The following FRYL variants were observed in gnomAD, a reference collection of about 807,000 sequenced individuals.
The protein encoded by FRYL is FRY like transcription coactivator.
FRYL carries 150 observed loss-of-function variants against 351.2 expected under a neutral mutation model. The observed-to-expected ratio is 0.43, with a 90% CI of 0.37 to 0.49. The LOEUF (loss-of-function observed/expected upper bound fraction) is 0.49. Ranked by LOEUF, FRYL falls within the 20% of genes least tolerant of loss-of-function variation. FRYL has a pLI of 0.00. For missense variants in FRYL, 3,036 were observed against 3,619.3 expected (o/e 0.84, Z 4.13); for synonymous variants, 1,153 against 1,257.1 (o/e 0.92, Z 1.75).
intron 48 of FRYL, among the ~76,000 whole-genome samples, chr4:48,535,214 T>G (rs1213126784): frequency 1.3e-5 from 2 of 152,146 alleles, no homozygotes; most frequent in Non-Finnish European, 2.9e-5. Context: ...ATTATTATTC[T>G]AGAAAAGATT....
In FRYL at chr4:48,620,513, T is replaced by C. The variant is rs537360451; in HGVS notation, c.314+126A>G. On this transcript the variant is annotated intron_variant, in intron 6 of 63. Transcript: ENST00000358350. ...CTATCCTTCTCCCTTACTACCATCT[T>C]TGTAACAAAAGTAATCAACGCAGTT... is the stretch of plus-strand genomic sequence containing the variant. 8.3e-4 allele frequency: 786 copies of C among 945,144 alleles called. 6 individuals carry two copies. The African/African-American group carries it at 0.01, about 12-fold the overall frequency. 58.5% of individuals were successfully genotyped at this position (945,144 alleles called of 1,614,324 possible).
rs968457368 is a variant in FRYL at position 48,575,134 on chromosome 4, G to C, written c.2829C>G (p.Thr943=). 2 of 1,613,482 alleles carry C rather than the reference G, an allele frequency of 1.2e-6. No homozygotes were observed. Among genetic ancestry groups the C allele is most frequent in the Non-Finnish European group, 1.7e-6 (2 of 1,179,466 alleles). Reference sequence around the variant, plus strand: ...ATAGTTACCTAAAAGCTCCTGGGTTGGTCCTGCCAAGACCTAGAACAAGGG... The same window carrying C: ...ATAGTTACCTAAAAGCTCCTGGGTTCGTCCTGCCAAGACCTAGAACAAGGG... ...TESLVLGLGR[T]NPGAFRELIE... is the part of the protein sequence containing the mutation. Residue 943 remains threonine, a synonymous_variant, in exon 25 of 64, where the codon ACC becomes ACG. Coordinates refer to ENST00000358350, the MANE Select transcript of FRYL (RefSeq NM_015030.2).
rs888017807 is a variant in FRYL at position 48,592,082 on chromosome 4, T to TATATATATA, written c.1336-1253_1336-1252insTATATATAT. 1.1e-3 allele frequency among the ~76,000 whole-genome samples: 132 copies of TATATATATA among 116,192 alleles called. 5 individuals carry two copies. The highest frequency in any genetic ancestry group is 5.8e-3 in the African/African-American group (128 of 22,232). The allele number at this position is 116,192 out of a possible 152,430, so 76.2% of individuals were successfully genotyped here. On this transcript the variant is annotated intron_variant, in intron 16 of 63. Coordinates refer to ENST00000358350, the MANE Select transcript of FRYL (RefSeq NM_015030.2). ...GGAATACGGGAAGAAAATAAAGCTCTTATATATATATATATATATATATAT... is the reference window on the plus strand; with the variant it reads ...GGAATACGGGAAGAAAATAAAGCTCTATATATATATATATATATATATATATATATATAT...
chr4:48,656,072 A>G (rs1307248016), intron 3 of FRYL, among the ~76,000 whole-genome samples: 2 of 134,378 alleles, frequency 1.5e-5, no homozygotes, highest in Non-Finnish European at 3.1e-5. Context: ...TACATTATAT[A>G]ATTATATATA....
rs557454822 is a variant in FRYL, at chr4:48,515,603, A to C, written c.7690-328T>G. On this transcript the variant is annotated intron_variant, in intron 55 of 63. Coordinates refer to ENST00000358350, the MANE Select transcript of FRYL (RefSeq NM_015030.2). ...TAGCCAGGATGGTCTCGATCTCTTG[A>C]CCTTGTGATCTGCCCGCCTTGGCCT... Among the ~76,000 whole-genome samples the C allele has an allele frequency of 1.1e-4, 17 of 152,036 alleles. No individual in the cohort carries two copies. The South Asian group carries it at 3.5e-3, about 32-fold the overall frequency.
chr4:48,727,703 T>C (rs1005430402), intron 1 of FRYL, among the ~76,000 whole-genome samples: 8 of 152,176 alleles, frequency 5.3e-5, no homozygotes, highest in African/African-American at 1.9e-4. Context: ...ACATTCTGTT[T>C]TTAACAAGGC....
intron 13 of FRYL, among the ~76,000 whole-genome samples, chr4:48,599,913 G>A (rs1745359126): frequency 6.6e-6 from 1 of 152,072 alleles, no homozygotes; most frequent in Admixed American, 6.6e-5. Context: ...TTTGAGACCA[G>A]CCTGGCCAAT....
At chr4:48,734,125 G>C (rs1771024392) in intron 1 of FRYL, among the ~76,000 whole-genome samples, 1 of 151,840 alleles carries the variant, frequency 6.6e-6, no homozygotes, top group South Asian at 2.1e-4. Context: ...TGTCAGAGTG[G>C]ATCAAAAAAA....
intron 3 of FRYL, among the ~76,000 whole-genome samples, chr4:48,639,486 T>TAAA (rs60147838): frequency 1.3e-5 from 2 of 149,014 alleles, no homozygotes; most frequent in African/African-American, 2.5e-5. Flanking sequence ...ATCCACATGT[T>TAAA]AAAAAAAAAA....
intron 3 of FRYL, among the ~76,000 whole-genome samples, chr4:48,651,025 A>C (rs989856632): frequency 6.6e-6 from 1 of 152,126 alleles, no homozygotes; most frequent in Non-Finnish European, 1.5e-5. Flanking sequence ...CCTATCATTC[A>C]AAACCAAACT....
At chr4:48,655,005 C>A (rs1408103961) in intron 3 of FRYL, among the ~76,000 whole-genome samples, 1 of 152,118 alleles carries the variant, frequency 6.6e-6, no homozygotes, top group Non-Finnish European at 1.5e-5. Context: ...CTTTAAGTAA[C>A]ACAAAGAATA....
At chr4:48,605,444 T>C (rs1433274798) in intron 11 of FRYL, among the ~76,000 whole-genome samples, 1 of 152,214 alleles carries the variant, frequency 6.6e-6, no homozygotes, top group East Asian at 1.9e-4. Context: ...GAGATTTTAA[T>C]TAGAATAAAA....
intron 33 of FRYL, among the ~76,000 whole-genome samples, chr4:48,559,913 A>G (rs953697211): frequency 2.6e-5 from 4 of 152,168 alleles, no homozygotes; most frequent in African/African-American, 9.7e-5. Flanking sequence ...CAGACTGAAG[A>G]CTATTAGCCA....
intron 23 of FRYL, among the ~76,000 whole-genome samples, chr4:48,576,668 G>A (rs1413656740): frequency 6.6e-6 from 1 of 152,042 alleles, no homozygotes; most frequent in Non-Finnish European, 1.5e-5. Context: ...TTTGTGGACT[G>A]ATATCAATGA....
At chr4:48,538,247 C>T (rs1229332159) in intron 47 of FRYL, among the ~76,000 whole-genome samples, 3 of 152,072 alleles carry the variant, frequency 2.0e-5, no homozygotes, top group Non-Finnish European at 4.4e-5. Context: ...CTACCACCAC[C>T]ATTTTTATTA....
intron 1 of FRYL, among the ~76,000 whole-genome samples, chr4:48,767,745 C>A (rs2109399589): frequency 6.6e-6 from 1 of 152,316 alleles, no homozygotes; most frequent in Middle Eastern, 3.4e-3. Flanking sequence ...TAATGTACAG[C>A]ATGCATTTTC....
chr4:48,584,766 G>C (rs1327505065), intron 19 of FRYL, among the ~76,000 whole-genome samples: 1 of 152,138 alleles, frequency 6.6e-6, no homozygotes, highest in African/African-American at 2.4e-5. Context: ...CTTTCCTTAG[G>C]GACAGGATAC....
At chr4:48,561,429 T>G in intron 33 of FRYL, 39 bp downstream of exon 33, 1 of 1,315,448 alleles carries the variant, frequency 7.6e-7, no homozygotes, top group South Asian at 2.1e-5. Flanking sequence ...GAAGAAATGA[T>G]TGACAAATAG....
chr4:48,564,145 A>G (rs1560614409), intron 30 of FRYL, 43 bp from the exon 31 acceptor site: 17 of 1,605,758 alleles, frequency 1.1e-5, no homozygotes, highest in Non-Finnish European at 1.4e-5. Context: ...AACGTTATAT[A>G]TTTTTTGTCT....
Sources: gnomAD v4.1 joint callset for allele counts (sites outside exome capture counted in the v4.1 genomes callset) on GRCh38, gnomAD v4.1.1 for gene constraint, MANE v1.5 for transcripts, NCBI Gene and HGNC (gene_info 2026-07-23, HGNC 2026-07-21) for gene names.